Variants in KIF6 observed in about 807,000 individuals in gnomAD.
KIF6 encodes the protein kinesin family member 6.
KIF6 carries 106 observed loss-of-function variants against 112.7 expected under a neutral mutation model. The ratio of observed to expected loss-of-function variants is 0.94; its 90% CI spans 0.80 to 1.11. The LOEUF is 1.11. KIF6 is among the 50% of genes least tolerant of loss of function. The probability of loss-of-function intolerance (pLI) is 0.00; values close to 1 mark genes in which losing one functional copy is unlikely to be tolerated. For synonymous variants in KIF6, 339 were observed against 339.9 expected (o/e 1.00, Z 0.03); for missense variants, 929 against 964.0 (o/e 0.96, Z 0.48).
intron 6 of KIF6, among the ~76,000 whole-genome samples, chr6:39,608,766 G>A (rs1338136739): frequency 6.6e-6 from 1 of 152,184 alleles, no homozygotes; most frequent in African/African-American, 2.4e-5. Context: ...AATAGGCACA[G>A]TGTACCATAA....
In KIF6 at chr6:39,359,237, C is replaced by T. The variant is rs769274511; in HGVS notation, c.2082+1158G>A. ...CAGCCAGAAAAGGGATCTGATTGTG[C>T]GTATTTTAGCACTTCCGCTGTGCCA... On this transcript the variant is annotated intron_variant, in intron 18 of 22. Coordinates refer to ENST00000287152, the MANE Select transcript of KIF6 (RefSeq NM_145027.6). Among the ~76,000 whole-genome samples the T allele has an allele frequency of 4.7e-4, 71 of 152,196 alleles. 1 individual carries two copies. The highest frequency in any genetic ancestry group is 1.4e-3 in the African/African-American group (60 of 41,506).
chr6:39,494,084 C>A (rs1562262854), intron 13 of KIF6, among the ~76,000 whole-genome samples: 1 of 152,206 alleles, frequency 6.6e-6, no homozygotes, highest in Non-Finnish European at 1.5e-5. Flanking sequence ...TTAGGGAATG[C>A]AAGTGTGGAA....
intron 3 of KIF6, among the ~76,000 whole-genome samples, chr6:39,665,607 G>T (rs1031580387): frequency 6.6e-6 from 1 of 152,038 alleles, no homozygotes; most frequent in Non-Finnish European, 1.5e-5. Context: ...ATGAAAAAGT[G>T]TATTACAGGA....
chr6:39,560,566 G>A (rs191779558), intron 10 of KIF6, among the ~76,000 whole-genome samples: 8 of 152,194 alleles, frequency 5.3e-5, no homozygotes, highest in East Asian at 3.9e-4. Context: ...CTTGATTCAC[G>A]AGTCTGCACA....
chr6:39,482,193 G>A (rs1214105341), intron 13 of KIF6, among the ~76,000 whole-genome samples: 3 of 152,128 alleles, frequency 2.0e-5, no homozygotes. Context: ...GAGTTTTAGG[G>A]ACACTGAGCC....
intron 13 of KIF6, among the ~76,000 whole-genome samples, chr6:39,439,160 TATC>T (rs1313382765): frequency 6.6e-6 from 1 of 152,190 alleles, no homozygotes; most frequent in Admixed American, 6.5e-5. Context: ...CTCTTGAAGG[TATC>T]ATTATTTCAG....
intron 10 of KIF6, among the ~76,000 whole-genome samples, chr6:39,567,501 C>T (rs1780356800): frequency 6.6e-6 from 1 of 152,178 alleles, no homozygotes; most frequent in African/African-American, 2.4e-5. Flanking sequence ...AAATAGTTGT[C>T]ACAAAATTCT....
chr6:39,422,741 T>G lies in KIF6; in HGVS notation c.1755-2738A>C, dbSNP rs185490645. Among the ~76,000 whole-genome samples the G allele has an allele frequency of 3.9e-5, 6 of 152,274 alleles. No individual in the cohort carries two copies. The East Asian group carries it at 7.7e-4, about 20-fold the overall frequency. ...TGGCCCACCTGCATCTCCACGCCTCTCCAGCCAGCCCCAGTCTCCCTCCCT... is the reference window on the plus strand; with the variant it reads ...TGGCCCACCTGCATCTCCACGCCTCGCCAGCCAGCCCCAGTCTCCCTCCCT... On this transcript the variant is annotated intron_variant, in intron 14 of 22. Transcript: ENST00000287152.
intron 13 of KIF6, among the ~76,000 whole-genome samples, chr6:39,476,135 C>T (rs983263758): frequency 2.0e-5 from 3 of 151,614 alleles, no homozygotes; most frequent in African/African-American, 7.3e-5. Context: ...GTGCAGCAAA[C>T]TACCATGGCA....
At chr6:39,381,593 T>C (rs1766953782) in intron 16 of KIF6, among the ~76,000 whole-genome samples, 2 of 152,076 alleles carry the variant, frequency 1.3e-5, no homozygotes, top group Admixed American at 6.6e-5. Flanking sequence ...CTATAAGCAA[T>C]CTGTCTTGAG....
intron 7 of KIF6, among the ~76,000 whole-genome samples, chr6:39,593,064 C>G (rs569603480): frequency 6.6e-6 from 1 of 152,256 alleles, no homozygotes; most frequent in African/African-American, 2.4e-5. Flanking sequence ...TACTATATTG[C>G]TAAGTATTTA....
intron 15 of KIF6, among the ~76,000 whole-genome samples, chr6:39,395,000 A>G (rs1270563053): frequency 2.0e-5 from 3 of 152,216 alleles, no homozygotes; most frequent in African/African-American, 7.2e-5. Context: ...CTTGGGATGA[A>G]AACACCAGAC....
rs1258339515 is a variant in KIF6, at chr6:39,331,586, T to C, written c.*4946A>G. 1 of 152,190 alleles carries C rather than the reference T, an allele frequency of 6.6e-6. No homozygotes were observed. Among genetic ancestry groups the C allele is most frequent in the Non-Finnish European group, 1.5e-5 (1 of 68,054 alleles). The allele number at this position is 152,190 out of a possible 1,614,324, so 9.4% of individuals were successfully genotyped here. ...TTTTAGTAGCGATGGGGTTTCGCCA[T>C]GTTGGCCAGGTTGGTCTCAAACTCC... On this transcript the variant is annotated 3_prime_UTR_variant, in exon 23 of 23. Coordinates refer to ENST00000287152, the MANE Select transcript of KIF6 (RefSeq NM_145027.6).
chr6:39,595,027 G>T (rs1196972367), intron 7 of KIF6, among the ~76,000 whole-genome samples: 1 of 151,854 alleles, frequency 6.6e-6, no homozygotes, highest in Non-Finnish European at 1.5e-5. Context: ...CTCTCCCCTG[G>T]CATTAAATTC....
At chr6:39,481,278 A>T (rs1336121964) in intron 13 of KIF6, among the ~76,000 whole-genome samples, 1 of 151,870 alleles carries the variant, frequency 6.6e-6, no homozygotes, top group African/African-American at 2.4e-5. Flanking sequence ...GTGGTAATGG[A>T]ACAGATAGGA....
intron 16 of KIF6, among the ~76,000 whole-genome samples, chr6:39,383,079 C>A (rs1342634352): frequency 6.6e-6 from 1 of 151,852 alleles, no homozygotes; most frequent in Non-Finnish European, 1.5e-5. Flanking sequence ...TCATTGGATG[C>A]ATAGTTTGCA....
At chr6:39,712,447 C>T (rs1789610101) in intron 3 of KIF6, among the ~76,000 whole-genome samples, 1 of 152,108 alleles carries the variant, frequency 6.6e-6, no homozygotes, top group South Asian at 2.1e-4. Flanking sequence ...TCTTGCCTGT[C>T]GTTTTTGAAA....
intron 15 of KIF6, among the ~76,000 whole-genome samples, chr6:39,415,301 TAA>T (rs5875672): frequency 0.15 from 13,509 of 89,804 alleles, 976 homozygotes; most frequent in East Asian, 0.3. Context: ...TTTTAAAATG[TAA>T]AAAAAAAAAA....
intron 3 of KIF6, among the ~76,000 whole-genome samples, chr6:39,650,228 C>T (rs557475055): frequency 6.6e-6 from 1 of 152,272 alleles, no homozygotes; most frequent in South Asian, 2.1e-4. Flanking sequence ...AGCTTCACAT[C>T]CATAAGTTCA....
Sources: gnomAD v4.1 joint callset for allele counts (sites outside exome capture counted in the v4.1 genomes callset) on GRCh38, gnomAD v4.1.1 for gene constraint, MANE v1.5 for transcripts, NCBI Gene and HGNC (gene_info 2026-07-23, HGNC 2026-07-21) for gene names.